The following CASP8 variants were observed in gnomAD, a reference collection of about 807,000 sequenced individuals.
CASP8 encodes the protein caspase-8.
CASP8 carries 24 observed loss-of-function variants against 46.3 expected under a neutral mutation model. The observed-to-expected ratio is 0.52, with a 90% CI of 0.38 to 0.73. The LOEUF (loss-of-function observed/expected upper bound fraction) is 0.73. CASP8 is among the 30% of genes least tolerant of loss of function. The probability of loss-of-function intolerance (pLI) is 0.00; values close to 1 mark genes in which losing one functional copy is unlikely to be tolerated. For missense variants in CASP8, 460 were observed against 559.0 expected, an observed-to-expected ratio of 0.82 and a Z score of 1.79; for synonymous variants, 188 against 200.4, an observed-to-expected ratio of 0.94 and a Z score of 0.52.
At chr2:201,251,003 A>G (rs1946752711) in intron 2 of CASP8, among the ~76,000 whole-genome samples, 1 of 152,236 alleles carries the variant, frequency 6.6e-6, no homozygotes, top group Non-Finnish European at 1.5e-5. Flanking sequence ...TTGGAATCAT[A>G]CAGTATGTAG....
Position 201,272,124 on chromosome 2 carries a change from ATG to A in CASP8, c.412-508_412-507del, listed in dbSNP as rs1014613220. On this transcript the variant is annotated intron_variant, in intron 3 of 8. Transcript: ENST00000673742. This position sits in a 1 kb window ranked among gnomAD's most constrained non-coding sequence, Gnocchi z 4.4. The stretch of plus-strand genomic sequence containing the variant: ...TCTGTGTGTGTGTTCTCTGTGTGGT[ATG>A]TGTGTCTGTGTGTTGTGTAGTGTGT... 2.5e-4 allele frequency among the ~76,000 whole-genome samples: 38 copies of A among 149,284 alleles called. No individual in the cohort carries two copies. Among genetic ancestry groups the A allele is most frequent in the South Asian group, 2.1e-3 (10 of 4,676 alleles).
At chr2:201,274,754 G>A (rs953692472) in intron 5 of CASP8, 135 bp from the exon 6 acceptor site, 4 of 733,220 alleles carry the variant, frequency 5.5e-6, no homozygotes, top group African/African-American at 1.8e-5. Flanking sequence ...TGGGATTACC[G>A]GCGTGAGCCC....
intron 2 of CASP8, among the ~76,000 whole-genome samples, chr2:201,237,419 C>T (rs1349522005): frequency 7.3e-6 from 1 of 137,266 alleles, no homozygotes; most frequent in Non-Finnish European, 1.5e-5. Flanking sequence ...GAAAACATCT[C>T]TCCAGTAGAT....
intron 2 of CASP8, among the ~76,000 whole-genome samples, chr2:201,267,901 G>A (rs1947937448): frequency 6.6e-6 from 1 of 152,120 alleles, no homozygotes; most frequent in African/African-American, 2.4e-5. Flanking sequence ...ACTATTTTTT[G>A]TTTTGAGGCT....
At chr2:201,258,321 C>T (rs372594554), upstream of CASP8, 53 of 1,613,872 alleles carry the variant, frequency 3.3e-5, no homozygotes, top group African/African-American at 4.0e-4. Context: ...CTGCTGAGCA[C>T]GTGGAGTTAG....
intron 6 of CASP8, 37 bp downstream of exon 6, chr2:201,274,990 C>A (rs765761798): frequency 7.9e-6 from 11 of 1,384,446 alleles, no homozygotes; most frequent in South Asian, 1.2e-5. Context: ...TTTTACATTA[C>A]AGATTCTAGT....
Position 201,271,535 on chromosome 2 carries a change from T to C in CASP8, c.325T>C (p.Ser109Pro). ...CCACAGGGTCATGCTCTATCAGATT[T>C]CAGAAGAAGTGAGCAGATCAGAATT... is the stretch of plus-strand genomic sequence containing the variant. ...SAYRVMLYQI[S>P]EEVSRSELRS... is the part of the protein sequence containing the mutation. The change falls in exon 3 of 9, where the codon TCA becomes CCA. Residue 109 changes from serine (S) to proline (P), a missense_variant. Physicochemically the swap from Ser to Pro is moderately conservative, Grantham distance 74 (BLOSUM62 -1). Coordinates refer to ENST00000673742, the MANE Select transcript of CASP8 (RefSeq NM_001372051.1). 6.2e-7 allele frequency: 1 copy of C among 1,605,104 alleles called. No individual in the cohort carries two copies. Among genetic ancestry groups the C allele is most frequent in the Non-Finnish European group, 8.5e-7 (1 of 1,171,800 alleles).
At chr2:201,270,192 A>G (rs1010021318) in intron 2 of CASP8, among the ~76,000 whole-genome samples, 15 of 152,230 alleles carry the variant, frequency 9.9e-5, no homozygotes, top group African/African-American at 2.7e-4. Context: ...ATATTCCAAG[A>G]GCCTAAATGT....
At chr2:201,250,678 T>C (rs887006829) in intron 2 of CASP8, among the ~76,000 whole-genome samples, 1 of 152,224 alleles carries the variant, frequency 6.6e-6, no homozygotes, top group African/African-American at 2.4e-5. Flanking sequence ...ACATTAGGAA[T>C]TACAACTGGA....
In CASP8 at chr2:201,285,188, A is replaced by G. The variant is rs775053901; in HGVS notation, c.1175A>G (p.Tyr392Cys). 63 of 1,614,118 alleles carry G rather than the reference A, an allele frequency of 3.9e-5. No homozygotes were observed. The highest frequency in any genetic ancestry group is 5.3e-5 in the Non-Finnish European group (62 of 1,180,052). Residue 392 changes from tyrosine (Y) to cysteine (C), a missense_variant, in exon 8 of 9, where the codon TAT becomes TGT. Coordinates refer to ENST00000673742, the MANE Select transcript of CASP8 (RefSeq NM_001372051.1). ...GATTTATCATCACCTCAAACGAGAT[A>G]TATCCCGGATGAGGCTGACTTTCTG... is the stretch of plus-strand genomic sequence containing the variant. ...EMDLSSPQTR[Y>C]IPDEADFLLG... is the part of the protein sequence containing the mutation.
upstream of CASP8, among the ~76,000 whole-genome samples, chr2:201,259,213 C>T (rs1182475927): frequency 1.3e-5 from 2 of 152,142 alleles, no homozygotes; most frequent in Non-Finnish European, 2.9e-5. Context: ...TGCTCTGTCA[C>T]CCAGGCTGCA....
chr2:201,263,086 G>A lies in CASP8; in HGVS notation c.-27+2473G>A, dbSNP rs530722112. Among the ~76,000 whole-genome samples, 6 of 152,274 alleles carry A rather than the reference G, an allele frequency of 3.9e-5. No homozygotes were observed. The East Asian group carries it at 1.2e-3, about 29-fold the overall frequency. ...TGAGTGAGATGAGATGGCTATGGAG[G>A]ACGGAGCTATGCGCCAATCTTATTA... On this transcript the variant is annotated intron_variant, in intron 1 of 8. Coordinates refer to ENST00000673742, the MANE Select transcript of CASP8 (RefSeq NM_001372051.1).
Position 201,260,575 on chromosome 2 carries a change from A to G in CASP8, c.-65A>G. Reference sequence around the variant, plus strand: ...GTCTTAGATGCTCAGATGGTAGTGGATAGGCCTGTGACGAAGGTGCTACCA... The same window carrying G: ...GTCTTAGATGCTCAGATGGTAGTGGGTAGGCCTGTGACGAAGGTGCTACCA... On this transcript the variant is annotated 5_prime_UTR_variant, in exon 1 of 9. Transcript: ENST00000673742. 2.0e-6 allele frequency: 2 copies of G among 984,974 alleles called. No individual in the cohort carries two copies. The highest frequency in any genetic ancestry group is 2.4e-6 in the Non-Finnish European group (2 of 829,524). 61.0% of individuals were successfully genotyped at this position (984,974 alleles called of 1,614,324 possible). A position where few individuals can be genotyped will look rare whatever the true frequency, so the allele number is the denominator to read the frequency against.
intron 5 of CASP8, among the ~76,000 whole-genome samples, chr2:201,273,902 T>C (rs1453458530): frequency 2.0e-5 from 3 of 152,132 alleles, no homozygotes; most frequent in Non-Finnish European, 4.4e-5. Context: ...CTTGAACTCC[T>C]GAGCTCAAGC....
At position 201,284,841 on chromosome 2, in the gene CASP8, G is replaced by A; in HGVS notation, c.828G>A (p.Glu276=). The part of the protein sequence containing the change: ...DAGALTTTFE[E]LHFEIKPHDD... ...GGGCTTTGACCACGACCTTTGAAGA[G>A]CTTCATTTTGAGATCAAGCCCCACG... Residue 276 remains glutamate, a synonymous_variant, in exon 8 of 9, where the codon GAG becomes GAA. Coordinates refer to ENST00000673742, the MANE Select transcript of CASP8 (RefSeq NM_001372051.1). The A allele has an allele frequency of 6.2e-7, 1 of 1,614,112 alleles. No individual in the cohort carries two copies. Among genetic ancestry groups the A allele is most frequent in the Non-Finnish European group, 8.5e-7 (1 of 1,180,026 alleles).
intron 1 of CASP8, among the ~76,000 whole-genome samples, chr2:201,262,462 T>A (rs1189103287): frequency 6.6e-6 from 1 of 151,710 alleles, no homozygotes. Flanking sequence ...TTATATACAT[T>A]TACTATTTAG....
intron 2 of CASP8, among the ~76,000 whole-genome samples, chr2:201,251,767 G>A (rs1042724637): frequency 6.6e-6 from 1 of 151,850 alleles, no homozygotes; most frequent in Non-Finnish European, 1.5e-5. Context: ...GCTGGGCGTG[G>A]TGGTCATGCC....
chr2:201,239,182 C>T (rs1027002021), intron 2 of CASP8, among the ~76,000 whole-genome samples: 28 of 152,244 alleles, frequency 1.8e-4, no homozygotes, highest in African/African-American at 5.3e-4. Flanking sequence ...TACACAGACA[C>T]GGCAACCATC....
chr2:201,274,975 C>T lies in CASP8; in HGVS notation c.660+22C>T, dbSNP rs535411498. On this transcript the variant is annotated intron_variant, in intron 6 of 8. Transcript: ENST00000673742. ...ACAGGTAGACGGAAACCTCCAAATCCTTTTTTTTACATTACAGATTCTAGT... is the reference window on the plus strand; with the variant it reads ...ACAGGTAGACGGAAACCTCCAAATCTTTTTTTTTACATTACAGATTCTAGT... 10 of 1,522,682 alleles carry T rather than the reference C, an allele frequency of 6.6e-6. No homozygotes were observed. The African/African-American group carries it at 1.2e-4, about 19-fold the overall frequency. 94.3% of individuals were successfully genotyped at this position (1,522,682 alleles called of 1,614,324 possible). A position where few individuals can be genotyped will look rare whatever the true frequency, so the allele number is the denominator to read the frequency against.
Sources: gnomAD v4.1 joint callset for allele counts (sites outside exome capture counted in the v4.1 genomes callset) on GRCh38, gnomAD v4.1.1 for gene constraint, Gnocchi (gnomAD v3.1) non-coding constraint, MANE v1.5 for transcripts, NCBI Gene and HGNC (gene_info 2026-07-23, HGNC 2026-07-21) for gene names.